The following AFF2 variants were observed in gnomAD, a reference collection of about 807,000 sequenced individuals.
AFF2 encodes the protein AF4/FMR2 family member 2.
AFF2 carries 14 observed loss-of-function variants against 76.9 expected under a neutral mutation model. The observed-to-expected ratio is 0.18, with a 90% confidence interval of 0.12 to 0.28. The LOEUF (loss-of-function observed/expected upper bound fraction) is 0.28, where lower values mean the gene tolerates loss of function less well. Ranked by LOEUF, AFF2 falls within the 10% of genes least tolerant of loss-of-function variation. The pLI is 1.00. For missense variants in AFF2, 868 were observed against 1,001.1 expected (o/e 0.87, Z 1.79); for synonymous variants, 398 against 366.7 (o/e 1.09, Z -0.98).
At chrX:148,548,043 G>A (rs1394892447) in intron 1 of AFF2, among the ~76,000 whole-genome samples, 1 of 112,449 alleles carries the variant, frequency 8.9e-6, no homozygotes, top group African/African-American at 3.2e-5. Flanking sequence ...GCAGGACATT[G>A]CAGTATTGGC....
At chrX:148,628,603 C>A (rs2053951378) in intron 1 of AFF2, among the ~76,000 whole-genome samples, 1 of 110,133 alleles carries the variant, frequency 9.1e-6, no homozygotes. Flanking sequence ...ATTTATTGGG[C>A]TATGAATGCA....
intron 1 of AFF2, among the ~76,000 whole-genome samples, chrX:148,610,257 A>C (rs782483380): frequency 9.0e-6 from 1 of 111,198 alleles, no homozygotes; most frequent in Non-Finnish European, 1.9e-5. Flanking sequence ...ATTGAGTCAC[A>C]GGTGGTGAAA....
Position 148,500,656 on chromosome X carries a change from G to GCCGCCGCCA in AFF2, c.-434_-433insACCGCCGCC, listed in dbSNP as rs1557231554. 1 of 92,345 alleles carries GCCGCCGCCA rather than the reference G, an allele frequency of 1.1e-5. No homozygotes were observed. The highest frequency in any genetic ancestry group is 2.2e-5 in the Non-Finnish European group (1 of 46,117). 7.6% of individuals were successfully genotyped at this position (92,345 alleles called of 1,213,427 possible). A position where few individuals can be genotyped will look rare whatever the true frequency, so the allele number is the denominator to read the frequency against. On this transcript the variant is annotated 5_prime_UTR_variant, in exon 1 of 21. Coordinates refer to ENST00000370460, the MANE Select transcript of AFF2 (RefSeq NM_002025.4). The stretch of plus-strand genomic sequence containing the variant: ...AGCCGCTGCCGCCGCCGCCGCCGCC[G>GCCGCCGCCA]CCGCCGCCGCCGCCGCCGCCGCCGC...
At chrX:148,825,627 A>T (rs782662150) in intron 4 of AFF2, among the ~76,000 whole-genome samples, 1 of 107,797 alleles carries the variant, frequency 9.3e-6, no homozygotes, top group East Asian at 2.9e-4. Context: ...CATAGTTCAT[A>T]AGGCACATTG....
chrX:148,587,969 C>T (rs781939896), intron 1 of AFF2, among the ~76,000 whole-genome samples: 1 of 112,425 alleles, frequency 8.9e-6, no homozygotes, highest in Non-Finnish European at 1.9e-5. Flanking sequence ...TTTCAGCTCC[C>T]GCCAAAAGGC....
intron 4 of AFF2, among the ~76,000 whole-genome samples, chrX:148,827,568 G>A (rs1406891954): frequency 6.3e-5 from 7 of 111,857 alleles, no homozygotes; most frequent in South Asian, 3.7e-4. Flanking sequence ...CATTGACACC[G>A]TATCTCTCCA....
intron 3 of AFF2, among the ~76,000 whole-genome samples, chrX:148,665,494 T>A (rs1203121118): frequency 1.8e-5 from 2 of 111,404 alleles, no homozygotes; most frequent in Non-Finnish European, 3.8e-5. Context: ...AGAGAGAAGC[T>A]TAAAGCCCTA....
intron 1 of AFF2, among the ~76,000 whole-genome samples, chrX:148,635,934 G>A (rs2054026016): frequency 9.1e-6 from 1 of 110,460 alleles, no homozygotes; most frequent in Admixed American, 9.7e-5. Context: ...CTGATTCCAT[G>A]GAATAAGCAA....
intron 3 of AFF2, among the ~76,000 whole-genome samples, chrX:148,708,020 T>G: frequency 8.9e-6 from 1 of 112,116 alleles, no homozygotes; most frequent in Non-Finnish European, 1.9e-5. Context: ...CTGTTGGAAT[T>G]ACCCTGCAGC....
At chrX:148,609,566 T>A (rs1557249228) in intron 1 of AFF2, among the ~76,000 whole-genome samples, 1 of 111,952 alleles carries the variant, frequency 8.9e-6, no homozygotes, top group East Asian at 2.8e-4. Context: ...CAAGTCTAAT[T>A]TTGGGAGTTT....
At chrX:148,743,464 G>A (rs1268957922) in intron 3 of AFF2, among the ~76,000 whole-genome samples, 1 of 112,082 alleles carries the variant, frequency 8.9e-6, no homozygotes, top group East Asian at 2.8e-4. Context: ...ATTATGTACA[G>A]ATATTTTGTT....
At chrX:148,963,818 G>C (rs2072139328) in intron 13 of AFF2, among the ~76,000 whole-genome samples, 2 of 111,960 alleles carry the variant, frequency 1.8e-5, no homozygotes, top group South Asian at 3.7e-4. Context: ...AGGCCAATCG[G>C]GCTGTGGCAG....
intron 8 of AFF2, among the ~76,000 whole-genome samples, chrX:148,887,994 T>C (rs782790195): frequency 8.9e-6 from 1 of 112,734 alleles, no homozygotes; most frequent in East Asian, 2.8e-4. Context: ...AATGTCTTTT[T>C]GTAAAAGTAA....
Position 148,712,739 on chromosome X carries a change from G to A in AFF2, c.1041+49971G>A, listed in dbSNP as rs965879532. Among the ~76,000 whole-genome samples the A allele has an allele frequency of 5.4e-5, 6 of 111,839 alleles. No homozygotes were observed. The South Asian group carries it at 1.8e-3, about 34-fold the overall frequency. On this transcript the variant is annotated intron_variant, in intron 3 of 20. Coordinates refer to ENST00000370460, the MANE Select transcript of AFF2 (RefSeq NM_002025.4). ...CATTTATACTCATTCATTCATTCACGCATTCAGCGACATTTATTGTGTACC... is the reference window on the plus strand; with the variant it reads ...CATTTATACTCATTCATTCATTCACACATTCAGCGACATTTATTGTGTACC...
At chrX:148,821,046 G>A (rs2070322122) in intron 4 of AFF2, among the ~76,000 whole-genome samples, 1 of 111,045 alleles carries the variant, frequency 9.0e-6, no homozygotes, top group South Asian at 3.9e-4. Flanking sequence ...CAACTTTTGA[G>A]GGGCACTTAT....
At chrX:148,740,384 A>T (rs1462147620) in intron 3 of AFF2, among the ~76,000 whole-genome samples, 2 of 111,425 alleles carry the variant, frequency 1.8e-5, no homozygotes, top group African/African-American at 6.5e-5. Context: ...GATTGAGCTA[A>T]TTTGAAGACC....
intron 3 of AFF2, among the ~76,000 whole-genome samples, chrX:148,730,496 T>C (rs5980585): frequency 1.8e-5 from 2 of 112,879 alleles, no homozygotes; most frequent in Non-Finnish European, 3.7e-5. Flanking sequence ...GACCTCAGAT[T>C]ATTGTAGAGT....
At chrX:148,628,869 G>T (rs1415682354) in intron 1 of AFF2, among the ~76,000 whole-genome samples, 1 of 112,176 alleles carries the variant, frequency 8.9e-6, no homozygotes, top group Non-Finnish European at 1.9e-5. Flanking sequence ...GGTTTGCTAA[G>T]ATATCAGTTT....
intron 1 of AFF2, among the ~76,000 whole-genome samples, chrX:148,593,391 G>A (rs1472281360): frequency 8.9e-6 from 1 of 112,135 alleles, no homozygotes. Flanking sequence ...CCCTTGCCTA[G>A]TGTTAGAATC....
Sources: allele counts gnomAD v4.1 joint callset (sites outside exome capture counted in the v4.1 genomes callset), GRCh38; gene constraint gnomAD v4.1.1; transcripts MANE v1.5; gene names NCBI Gene and HGNC (gene_info 2026-07-23, HGNC 2026-07-21).